Variants in LIN7A observed in about 807,000 individuals in gnomAD.
LIN7A encodes the protein lin-7 cell polarity scaffold A.
Under a neutral mutation model 29.8 loss-of-function variants are expected in LIN7A, and 25 were observed. That is an observed-to-expected ratio of 0.84 (90% CI 0.61 to 1.17). The LOEUF (loss-of-function observed/expected upper bound fraction) is 1.17, where lower values mean the gene tolerates loss of function less well. Ranked by LOEUF, LIN7A falls within the 50% of genes most tolerant of loss-of-function variation. The pLI is 0.00. For missense variants in LIN7A, 239 were observed against 287.0 expected (o/e 0.83, Z 1.21); for synonymous variants, 118 against 107.5 (o/e 1.10, Z -0.60).
intron 1 of LIN7A, among the ~76,000 whole-genome samples, chr12:80,932,008 A>G (rs548558955): frequency 6.6e-6 from 1 of 152,352 alleles, no homozygotes; most frequent in African/African-American, 2.4e-5. Context: ...ACAAACTAGG[A>G]GCAAGAGAAG....
chr12:80,917,748 G>A (rs1877098682), intron 1 of LIN7A, among the ~76,000 whole-genome samples: 1 of 151,840 alleles, frequency 6.6e-6, no homozygotes, highest in African/African-American at 2.4e-5. Context: ...TGACTTTTGT[G>A]TCGAGATCTC....
chr12:80,928,980 G>A (rs773894875), intron 1 of LIN7A, among the ~76,000 whole-genome samples: 1 of 152,102 alleles, frequency 6.6e-6, no homozygotes, highest in Non-Finnish European at 1.5e-5. Flanking sequence ...AGGGTATGCT[G>A]TATTAGTGTT....
intron 1 of LIN7A, among the ~76,000 whole-genome samples, chr12:80,936,161 A>C (rs1716543): frequency 0.64 from 97,004 of 152,040 alleles, 34,081 homozygotes; most frequent in Non-Finnish European, 0.8. Flanking sequence ...TGCTTAGTGC[A>C]GATGATGATA....
intron 2 of LIN7A, among the ~76,000 whole-genome samples, chr12:80,867,632 C>A (rs1028294805): frequency 6.6e-6 from 1 of 152,070 alleles, no homozygotes; most frequent in Admixed American, 6.6e-5. Context: ...TCTTTTGACA[C>A]GCTTTCTGTA....
intron 1 of LIN7A, among the ~76,000 whole-genome samples, chr12:80,925,767 G>C (rs1401006688): frequency 2.0e-5 from 3 of 152,094 alleles, no homozygotes; most frequent in Non-Finnish European, 4.4e-5. Context: ...CAATACTCCA[G>C]AAATGACTTC....
chr12:80,892,279 T>C (rs1875664492), intron 1 of LIN7A, among the ~76,000 whole-genome samples: 1 of 152,108 alleles, frequency 6.6e-6, no homozygotes, highest in African/African-American at 2.4e-5. Flanking sequence ...CTAACAAATA[T>C]CAAGTGTTCA....
chr12:80,904,895 A>G (rs888530014), intron 1 of LIN7A, among the ~76,000 whole-genome samples: 3 of 152,188 alleles, frequency 2.0e-5, no homozygotes, highest in Non-Finnish European at 2.9e-5. Context: ...GCTTGTGTAC[A>G]TGAGATCAGG....
At chr12:80,805,943 T>C (rs140925618) in intron 5 of LIN7A, among the ~76,000 whole-genome samples, 2 of 151,778 alleles carry the variant, frequency 1.3e-5, no homozygotes, top group African/African-American at 2.4e-5. Context: ...CTGGGCATGG[T>C]GGCTCACATC....
At chr12:80,897,343 CA>C (rs1875961551) in intron 1 of LIN7A, among the ~76,000 whole-genome samples, 2 of 152,224 alleles carry the variant, frequency 1.3e-5, no homozygotes, top group African/African-American at 4.8e-5. Flanking sequence ...TTCCTAATCC[CA>C]GTGAAATTAG....
At chr12:80,875,644 G>A (rs1256673059) in intron 2 of LIN7A, among the ~76,000 whole-genome samples, 3 of 152,102 alleles carry the variant, frequency 2.0e-5, no homozygotes, top group Non-Finnish European at 4.4e-5. Flanking sequence ...GATAATACAA[G>A]ATTTATGAAA....
intron 2 of LIN7A, among the ~76,000 whole-genome samples, chr12:80,880,396 A>G (rs1874963356): frequency 6.6e-6 from 1 of 152,240 alleles, no homozygotes. Flanking sequence ...AGCCAAGTGC[A>G]TTAACACTTA....
chr12:80,836,119 A>G (rs1363783877), intron 4 of LIN7A, among the ~76,000 whole-genome samples: 1 of 152,226 alleles, frequency 6.6e-6, no homozygotes, highest in African/African-American at 2.4e-5. Context: ...ATGCACTTAG[A>G]GTAAAATGAA....
chr12:80,817,338 G>T (rs140283146), intron 4 of LIN7A, among the ~76,000 whole-genome samples: 2 of 152,196 alleles, frequency 1.3e-5, no homozygotes, highest in East Asian at 3.9e-4. Flanking sequence ...AGCAATGCCT[G>T]CCCTGGGAAG....
intron 1 of LIN7A, among the ~76,000 whole-genome samples, chr12:80,928,277 C>T (rs1232998644): frequency 3.9e-5 from 6 of 152,158 alleles, no homozygotes; most frequent in South Asian, 2.1e-4. Context: ...CTTGAGGGAT[C>T]GCCACACTGT....
chr12:80,855,793 T>C (rs760376024), intron 2 of LIN7A, among the ~76,000 whole-genome samples: 4 of 152,144 alleles, frequency 2.6e-5, no homozygotes, highest in African/African-American at 4.8e-5. Flanking sequence ...AAATAGAACT[T>C]AAGTCACCAA....
intron 1 of LIN7A, among the ~76,000 whole-genome samples, chr12:80,903,922 T>G (rs564330247): frequency 6.6e-6 from 1 of 152,148 alleles, no homozygotes; most frequent in Non-Finnish European, 1.5e-5. Flanking sequence ...GGCTTTAATA[T>G]GTATTTATCT....
At chr12:80,832,431 C>T (rs1049839721) in intron 4 of LIN7A, 9 of 430,674 alleles carry the variant, frequency 2.1e-5, no homozygotes, top group African/African-American at 1.5e-4. Context: ...CTGTCAATTG[C>T]TTTGCCTTTG....
chr12:80,848,421 T>A lies in LIN7A; in HGVS notation c.202-99A>T, dbSNP rs928461919. 210 of 858,112 alleles carry A rather than the reference T, an allele frequency of 2.4e-4. No individual in the cohort carries two copies. In the Middle Eastern group the frequency reaches 4.5e-3, roughly 18 times the overall value. 53.2% of individuals were successfully genotyped at this position (858,112 alleles called of 1,614,324 possible). A position where few individuals can be genotyped will look rare whatever the true frequency, so the allele number is the denominator to read the frequency against. ...TTATATTTTCACTGTAGGAAAAAAA[T>A]TCTCTATTGCAAAATAACATAGGTC... On this transcript the variant is annotated intron_variant, in intron 2 of 5. Coordinates refer to ENST00000552864, the MANE Select transcript of LIN7A (RefSeq NM_004664.4).
rs1873046224 is a variant in LIN7A, at chr12:80,845,788, A to G, written c.425T>C (p.Val142Ala). Residue 142 changes from valine (V) to alanine (A), a missense_variant, in exon 4 of 6, where the codon GTG becomes GCG. Transcript: ENST00000552864. ...TTTGAGGCCTCCGTGTCTTTCAGCC[A>G]CCCCTCCAGGAATTATGCGAGAGAT... ...IYISRIIPGG[V>A]AERHGGLKRG... The G allele has an allele frequency of 6.2e-7, 1 of 1,613,658 alleles. No individual in the cohort carries two copies. The highest frequency in any genetic ancestry group is 1.3e-5 in the African/African-American group (1 of 74,838).
Sources: allele counts gnomAD v4.1 joint callset (sites outside exome capture counted in the v4.1 genomes callset), GRCh38; gene constraint gnomAD v4.1.1; transcripts MANE v1.5; gene names NCBI Gene and HGNC (gene_info 2026-07-23, HGNC 2026-07-21).